Variants in PLD5 observed in about 807,000 individuals in gnomAD.
PLD5 encodes phospholipase D family member 5, also known as inactive phospholipase D5.
Under a neutral mutation model 61.1 loss-of-function variants are expected in PLD5, and 36 were observed. That is an observed-to-expected ratio of 0.59 (90% CI 0.45 to 0.78). The LOEUF (loss-of-function observed/expected upper bound fraction) is 0.78. Among genes scored for constraint, PLD5 ranks in the 30% least tolerant of loss-of-function variants. PLD5 has a pLI of 0.00. For missense variants in PLD5, 515 were observed against 644.4 expected, an observed-to-expected ratio of 0.80 and a Z score of 2.17; for synonymous variants, 243 against 242.8, an observed-to-expected ratio of 1.00 and a Z score of -0.01.
At chr1:242,348,649 T>A (rs999961798) in intron 1 of PLD5, among the ~76,000 whole-genome samples, 1 of 152,202 alleles carries the variant, frequency 6.6e-6, no homozygotes, top group African/African-American at 2.4e-5. Context: ...TTATTCTAAG[T>A]CAAATGTGAG....
intron 2 of PLD5, among the ~76,000 whole-genome samples, chr1:242,303,500 T>C (rs935219365): frequency 2.0e-5 from 3 of 152,270 alleles, no homozygotes; most frequent in African/African-American, 7.2e-5. Context: ...ACTGAAATTA[T>C]GACATCCGAG....
In PLD5 at chr1:242,254,674, A is replaced by AACC. The variant is rs575280649; in HGVS notation, c.607+10660_607+10662dup. Among the ~76,000 whole-genome samples the AACC allele has an allele frequency of 4.0e-4, 61 of 152,094 alleles. 1 individual carries two copies. Among genetic ancestry groups the AACC allele is most frequent in the African/African-American group, 1.1e-3 (44 of 41,488 alleles). Reference sequence around the variant, plus strand: ...AACAAGAGTGAAATTCGTCTCAAACAACCACCACCACCACCACCACCACTG... The same window carrying AACC: ...AACAAGAGTGAAATTCGTCTCAAACAACCACCACCACCACCACCACCACCACTG... On this transcript the variant is annotated intron_variant, in intron 4 of 9. Coordinates refer to ENST00000536534, the MANE Select transcript of PLD5 (RefSeq NM_001372062.1).
At chr1:242,090,727 A>G (rs868293538) in intron 9 of PLD5, among the ~76,000 whole-genome samples, 5 of 152,200 alleles carry the variant, frequency 3.3e-5, no homozygotes, top group African/African-American at 1.2e-4. Context: ...TAGGGCTGCC[A>G]TAGCAAAGTT....
At position 242,089,687 on chromosome 1, in the gene PLD5, C is replaced by T. The variant is rs7554715; in HGVS notation, c.*167G>A. Reference sequence around the variant, plus strand: ...ACAAAAGTCTTAATTTTAGTGTACACGACGCTAAGATATTGTTAGATAGGT... The same window carrying T: ...ACAAAAGTCTTAATTTTAGTGTACATGACGCTAAGATATTGTTAGATAGGT... On this transcript the variant is annotated 3_prime_UTR_variant, in exon 10 of 10. Coordinates refer to ENST00000536534, the MANE Select transcript of PLD5 (RefSeq NM_001372062.1). The T allele has an allele frequency of 0.015, 12,228 of 820,388 alleles. 1,021 individuals carry two copies. The African/African-American group carries it at 0.18, about 12-fold the overall frequency. The allele number at this position is 820,388 out of a possible 1,614,324, so 50.8% of individuals were successfully genotyped here. A position where few individuals can be genotyped will look rare whatever the true frequency, so the allele number is the denominator to read the frequency against.
chr1:242,281,935 T>A (rs1343828789), intron 3 of PLD5, among the ~76,000 whole-genome samples: 2 of 152,138 alleles, frequency 1.3e-5, no homozygotes, highest in African/African-American at 4.8e-5. Flanking sequence ...CATACAATGA[T>A]AATTTGCCTA....
intron 1 of PLD5, among the ~76,000 whole-genome samples, chr1:242,428,717 A>C (rs187741765): frequency 7.6e-4 from 108 of 141,240 alleles, no homozygotes; most frequent in Middle Eastern, 3.7e-3. Context: ...ATACCAAAGA[A>C]GAAGAAGAAA....
At chr1:242,095,346 T>C (rs1034907439) in intron 9 of PLD5, among the ~76,000 whole-genome samples, 2 of 152,052 alleles carry the variant, frequency 1.3e-5, no homozygotes, top group African/African-American at 4.8e-5. Context: ...GATTCTCCTG[T>C]CTCAGCCTCC....
At chr1:242,403,094 C>G (rs116154004) in intron 1 of PLD5, among the ~76,000 whole-genome samples, 1 of 152,184 alleles carries the variant, frequency 6.6e-6, no homozygotes, top group Non-Finnish European at 1.5e-5. Context: ...GTTTTTCTTT[C>G]GGAAAGATGC....
chr1:242,261,316 C>A (rs1388338062), intron 4 of PLD5, among the ~76,000 whole-genome samples: 1 of 152,156 alleles, frequency 6.6e-6, no homozygotes, highest in African/African-American at 2.4e-5. Flanking sequence ...AAAAATGAAC[C>A]TTTACTGCTA....
chr1:242,453,431 T>C (rs1170651734), intron 1 of PLD5, among the ~76,000 whole-genome samples: 2 of 152,244 alleles, frequency 1.3e-5, no homozygotes, highest in African/African-American at 4.8e-5. Flanking sequence ...CATTTAGTGT[T>C]TTCTTATGAG....
intron 2 of PLD5, among the ~76,000 whole-genome samples, chr1:242,342,287 T>C (rs1574764814): frequency 6.6e-6 from 1 of 152,070 alleles, no homozygotes; most frequent in Admixed American, 6.6e-5. Flanking sequence ...GATAGCTCTG[T>C]GTGGGCGGAA....
At chr1:242,222,344 C>A (rs992334028) in intron 4 of PLD5, among the ~76,000 whole-genome samples, 1 of 152,184 alleles carries the variant, frequency 6.6e-6, no homozygotes, top group Non-Finnish European at 1.5e-5. Context: ...CCTGGCCATG[C>A]TTTCCAATAG....
chr1:242,204,882 C>T (rs1384123819), intron 5 of PLD5, among the ~76,000 whole-genome samples: 2 of 151,812 alleles, frequency 1.3e-5, no homozygotes, highest in Non-Finnish European at 2.9e-5. Context: ...TTAGTAACAG[C>T]CAAAAAAAAG....
intron 2 of PLD5, among the ~76,000 whole-genome samples, chr1:242,320,746 C>G (rs2258749): frequency 0.97 from 147,470 of 152,186 alleles, 71,558 homozygotes; most frequent in Non-Finnish European, 0.99. Flanking sequence ...GGGAGTTCTC[C>G]TCCCTGGCAT....
chr1:242,385,675 A>C (rs2149259841), intron 1 of PLD5, among the ~76,000 whole-genome samples: 1 of 152,252 alleles, frequency 6.6e-6, no homozygotes, highest in South Asian at 2.1e-4. Flanking sequence ...TCAAAAATTA[A>C]AGGGAAAGAA....
chr1:242,374,347 G>A (rs192586820), intron 1 of PLD5, among the ~76,000 whole-genome samples: 3 of 152,278 alleles, frequency 2.0e-5, no homozygotes, highest in Non-Finnish European at 4.4e-5. Flanking sequence ...TGCTTTTTCA[G>A]TTCCTCCATT....
intron 2 of PLD5, among the ~76,000 whole-genome samples, chr1:242,343,095 A>G (rs1033590596): frequency 1.3e-5 from 2 of 152,096 alleles, no homozygotes; most frequent in African/African-American, 4.8e-5. Flanking sequence ...AATAAGATGA[A>G]TTAAAGTACT....
chr1:242,189,679 T>C (rs555133802), intron 5 of PLD5, among the ~76,000 whole-genome samples: 1 of 152,090 alleles, frequency 6.6e-6, no homozygotes, highest in Non-Finnish European at 1.5e-5. Context: ...CACAGACACA[T>C]GCTGAGAGGA....
At chr1:242,379,507 T>C (rs1662162271) in intron 1 of PLD5, among the ~76,000 whole-genome samples, 2 of 152,178 alleles carry the variant, frequency 1.3e-5, no homozygotes, top group African/African-American at 2.4e-5. Context: ...ACATAAAATG[T>C]GCAAATCTTC....
Sources: allele counts gnomAD v4.1 joint callset (sites outside exome capture counted in the v4.1 genomes callset), GRCh38; gene constraint gnomAD v4.1.1; transcripts MANE v1.5; gene names NCBI Gene and HGNC (gene_info 2026-07-23, HGNC 2026-07-21).